SCAF11: variants seen among roughly 807,000 people sequenced by gnomAD.
SCAF11 encodes the protein SR-related CTD associated factor 11.
SCAF11 carries 47 observed loss-of-function variants against 140.5 expected under a neutral mutation model. The ratio of observed to expected loss-of-function variants is 0.33; its 90% CI spans 0.26 to 0.43. SCAF11 has a LOEUF of 0.43. Among genes scored for constraint, SCAF11 ranks in the 20% least tolerant of loss-of-function variants. The pLI, the probability that SCAF11 is intolerant of heterozygous loss-of-function variation, is 1.00. For synonymous variants in SCAF11, 557 were observed against 579.4 expected, an observed-to-expected ratio of 0.96 and a Z score of 0.55; for missense variants, 1,645 against 1,705.1, an observed-to-expected ratio of 0.96 and a Z score of 0.62.
chr12:45,960,094 T>C (rs1945789497), intron 3 of SCAF11, among the ~76,000 whole-genome samples: 1 of 152,134 alleles, frequency 6.6e-6, no homozygotes, highest in South Asian at 2.1e-4. Context: ...TAGACAAGTT[T>C]GCCACTGTCT....
chr12:45,928,505 T>C lies in SCAF11; in HGVS notation c.1196A>G (p.Lys399Arg). The C allele has an allele frequency of 6.2e-7, 1 of 1,613,626 alleles. No homozygotes were observed. The highest frequency in any genetic ancestry group is 8.5e-7 in the Non-Finnish European group (1 of 1,179,832). Residue 399 changes from lysine to arginine, a missense_variant, in exon 11 of 15, where the codon AAA becomes AGA. Lys to Arg is a conservative substitution (Grantham distance 26). Coordinates refer to ENST00000369367, the MANE Select transcript of SCAF11 (RefSeq NM_004719.3). Reference protein sequence around the residue: ...KLRSSVAAPEKSSSNDSVDEE... With the variant: ...KLRSSVAAPERSSSNDSVDEE... The stretch of plus-strand genomic sequence containing the variant: ...ATCTACTGAATCATTGGAAGATGAT[T>C]TTTCAGGGGCAGCTACAGAGCTCCG...
intron 10 of SCAF11, 66 bp from the exon 11 acceptor site, chr12:45,928,925 G>C (rs1001506414): frequency 2.0e-6 from 2 of 981,628 alleles, no homozygotes; most frequent in Admixed American, 3.5e-5. Flanking sequence ...TTTGGCTTTA[G>C]CTAATTTTAG....
chr12:45,974,618 C>A (rs1327574857), intron 1 of SCAF11: 1 of 183,552 alleles, frequency 5.4e-6, no homozygotes, highest in African/African-American at 2.4e-5. Flanking sequence ...CATAAAATTG[C>A]AGCAATTCAG....
intron 1 of SCAF11, among the ~76,000 whole-genome samples, chr12:45,990,000 C>A (rs933365656): frequency 1.3e-5 from 2 of 151,828 alleles, no homozygotes; most frequent in East Asian, 3.9e-4. Context: ...GGACCCTGCA[C>A]CCGGACGGGG....
intron 3 of SCAF11, chr12:45,955,974 A>C (rs1945682194): frequency 3.1e-6 from 2 of 638,254 alleles, no homozygotes; most frequent in Admixed American, 2.4e-5. Context: ...TCAGTTAAGA[A>C]GGCAATTTTG....
chr12:45,922,478 C>A lies in SCAF11; in HGVS notation c.4230G>T (p.Arg1410=). 3.1e-6 allele frequency: 5 copies of A among 1,601,982 alleles called. No individual in the cohort carries two copies. The highest frequency in any genetic ancestry group is 4.2e-6 in the Non-Finnish European group (5 of 1,177,864). The change falls in exon 14 of 15, where the codon CGG becomes CGT. Residue 1410 remains arginine, a synonymous_variant. Coordinates refer to ENST00000369367, the MANE Select transcript of SCAF11 (RefSeq NM_004719.3). The part of the protein sequence containing the change: ...ITKEEYKEIV[R]KAVDKVCHSK... ...CATAACTTACTTTATCTACTGCTTTCCGTACAATTTCTTTATATTCTTCCT... is the reference window on the plus strand; with the variant it reads ...CATAACTTACTTTATCTACTGCTTTACGTACAATTTCTTTATATTCTTCCT...
intron 1 of SCAF11, among the ~76,000 whole-genome samples, chr12:45,971,102 T>G (rs941950479): frequency 3.9e-5 from 6 of 152,206 alleles, no homozygotes; most frequent in South Asian, 4.1e-4. Flanking sequence ...GCTAATACAT[T>G]TATTTAGAAA....
Position 45,923,131 on chromosome 12 carries a change from T to C in SCAF11, c.3930A>G (p.Val1310=), listed in dbSNP as rs370921146. The C allele has an allele frequency of 1.2e-6, 2 of 1,613,492 alleles. No homozygotes were observed. Among genetic ancestry groups the C allele is most frequent in the African/African-American group, 1.3e-5 (1 of 74,896 alleles). The stretch of plus-strand genomic sequence containing the variant: ...AAACTGGTGTACTCATGTTATTACT[T>C]ACATGAGAAGAACTAGGAATACCCT... ...QLQGIPSSSH[V]SNNMSTPVLP... Residue 1310 remains valine, a synonymous_variant, in exon 13 of 15, where the codon GTA becomes GTG. Transcript: ENST00000369367.
At chr12:45,937,024 A>T (rs1592178710) in intron 6 of SCAF11, among the ~76,000 whole-genome samples, 1 of 152,294 alleles carries the variant, frequency 6.6e-6, no homozygotes, top group East Asian at 1.9e-4. Flanking sequence ...AGACTTCTAG[A>T]ACTTTATGAA....
intron 5 of SCAF11, among the ~76,000 whole-genome samples, chr12:45,946,304 G>C (rs1462711504): frequency 1.3e-5 from 2 of 152,286 alleles, no homozygotes; most frequent in African/African-American, 4.8e-5. Flanking sequence ...AAGTTTGTCT[G>C]TGTGTTGGAA....
rs371989659 is a variant in SCAF11, at chr12:45,923,801, G to A, written c.3907-647C>T. 2.6e-5 allele frequency among the ~76,000 whole-genome samples: 4 copies of A among 151,746 alleles called. No individual in the cohort carries two copies. In the East Asian group the frequency reaches 5.8e-4, roughly 22 times the overall value. On this transcript the variant is annotated intron_variant, in intron 12 of 14. Transcript: ENST00000369367. ...AGGTTCAAGTGATTCTTGAGCCTCA[G>A]CCTCCGAGTAGCTGGGATTACAGGA...
chr12:45,921,856 G>A lies in SCAF11; in HGVS notation c.*192C>T, dbSNP rs1944721943. 1 of 578,102 alleles carries A rather than the reference G, an allele frequency of 1.7e-6. No individual in the cohort carries two copies. Among genetic ancestry groups the A allele is most frequent in the Admixed American group, 3.5e-5 (1 of 28,756 alleles). The allele number at this position is 578,102 out of a possible 1,614,324, so 35.8% of individuals were successfully genotyped here. ...TTGAATTTTGTGGGGGAGGGTGGAG[G>A]GGAAGGAAGGATACAGAAGTTGCAG... On this transcript the variant is annotated 3_prime_UTR_variant, in exon 15 of 15. Transcript: ENST00000369367.
At chr12:45,984,260 C>T (rs1946412910) in intron 1 of SCAF11, among the ~76,000 whole-genome samples, 1 of 152,148 alleles carries the variant, frequency 6.6e-6, no homozygotes, top group Admixed American at 6.5e-5. Context: ...TAGATTAGTT[C>T]TGTTGCAAAA....
intron 6 of SCAF11, among the ~76,000 whole-genome samples, chr12:45,942,725 T>C (rs533066719): frequency 1.3e-5 from 2 of 152,326 alleles, no homozygotes; most frequent in South Asian, 4.1e-4. Flanking sequence ...CTCAAATATA[T>C]CTTTATTCAA....
chr12:45,923,582 C>G (rs1944766942), intron 12 of SCAF11, among the ~76,000 whole-genome samples: 1 of 152,110 alleles, frequency 6.6e-6, no homozygotes, highest in Admixed American at 6.5e-5. Context: ...AGTAAGTTGA[C>G]AGGAGAAAAA....
At chr12:45,991,823 C>T (rs1946618867), upstream of SCAF11, 5 of 1,162,464 alleles carry the variant, frequency 4.3e-6, no homozygotes, top group African/African-American at 1.6e-5. Flanking sequence ...TCCTCCCACC[C>T]ACGCCCTTGT....
chr12:45,970,019 C>T (rs1946037707), intron 1 of SCAF11, among the ~76,000 whole-genome samples: 1 of 152,198 alleles, frequency 6.6e-6, no homozygotes. Flanking sequence ...CCTCAGCCTC[C>T]TGAGTAGCTG....
chr12:45,937,497 A>G (rs972481324), intron 6 of SCAF11, among the ~76,000 whole-genome samples: 1 of 152,082 alleles, frequency 6.6e-6, no homozygotes, highest in African/African-American at 2.4e-5. Flanking sequence ...GAGATCCTTG[A>G]TTGTTTGCTG....
At chr12:45,930,456 G>GTTTTTTTTTTTTTTTTTTTTTTT (rs35174436) in intron 10 of SCAF11, among the ~76,000 whole-genome samples, 1 of 130,686 alleles carries the variant, frequency 7.7e-6, no homozygotes, top group Non-Finnish European at 1.7e-5. Context: ...TTTTTTTTTT[G>GTTTTTTTTTTTTTTTTTTTTTTT]TTTTTTTTTT....
Sources: gnomAD v4.1 joint callset for allele counts (sites outside exome capture counted in the v4.1 genomes callset) on GRCh38, gnomAD v4.1.1 for gene constraint, MANE v1.5 for transcripts, NCBI Gene and HGNC (gene_info 2026-07-23, HGNC 2026-07-21) for gene names.